Variants in C3orf33 observed in about 807,000 individuals in gnomAD.
C3orf33 encodes the protein mitochondrial inner membrane subdomain organizer 1.
C3orf33 carries 23 observed loss-of-function variants against 28.7 expected under a neutral mutation model. The ratio of observed to expected loss-of-function variants is 0.80; its 90% confidence interval spans 0.58 to 1.13. The LOEUF (loss-of-function observed/expected upper bound fraction) is 1.13. Among genes scored for constraint, C3orf33 ranks in the 50% most tolerant of loss-of-function variants. The pLI, the probability that C3orf33 is intolerant of heterozygous loss-of-function variation, is 0.00. For synonymous variants in C3orf33, 119 were observed against 120.5 expected (o/e 0.99, Z 0.08); for missense variants, 327 against 353.4 (o/e 0.93, Z 0.60).
chr3:155,782,284 T>A (rs1750950464), intron 2 of C3orf33, among the ~76,000 whole-genome samples: 1 of 148,490 alleles, frequency 6.7e-6, no homozygotes, highest in Non-Finnish European at 1.5e-5. Flanking sequence ...AACCAACATA[T>A]GCACTAGAGG....
At chr3:155,775,662 C>T in intron 3 of C3orf33, 39 bp downstream of exon 3, 1 of 1,353,812 alleles carries the variant, frequency 7.4e-7, no homozygotes, top group Non-Finnish European at 1.0e-6. Context: ...TAAAAGAAGA[C>T]CACAATAGTT....
At chr3:155,773,142 C>G (rs535317735) in intron 3 of C3orf33, among the ~76,000 whole-genome samples, 2 of 152,270 alleles carry the variant, frequency 1.3e-5, no homozygotes, top group African/African-American at 4.8e-5. Flanking sequence ...GAGAGGAACA[C>G]AGGAGCTTTT....
At chr3:155,788,054 G>A (rs944375187) in intron 2 of C3orf33, among the ~76,000 whole-genome samples, 7 of 151,926 alleles carry the variant, frequency 4.6e-5, no homozygotes, top group African/African-American at 1.2e-4. Context: ...AGCCGGGCGT[G>A]GTGGCGGGCG....
rs1751678845 is a variant in C3orf33 at position 155,802,521 on chromosome 3, T to A, written c.174+11A>T. On this transcript the variant is annotated intron_variant, in intron 2 of 4. Coordinates refer to ENST00000340171, the MANE Select transcript of C3orf33 (RefSeq NM_001308229.2). ...GGCTTGTTGTAATGTCTTTTTCATTTTTTAACTTACCAGTCGAATGCTTCT... is the reference window on the plus strand; with the variant it reads ...GGCTTGTTGTAATGTCTTTTTCATTATTTAACTTACCAGTCGAATGCTTCT... The A allele has an allele frequency of 6.2e-7, 1 of 1,600,410 alleles. No homozygotes were observed. The highest frequency in any genetic ancestry group is 1.3e-5 in the African/African-American group (1 of 74,264).
chr3:155,772,693 G>A (rs531727906), intron 3 of C3orf33, among the ~76,000 whole-genome samples: 4 of 151,370 alleles, frequency 2.6e-5, no homozygotes, highest in Non-Finnish European at 5.9e-5. Context: ...TACTGAGACA[G>A]TAGCAATAGC....
intron 2 of C3orf33, among the ~76,000 whole-genome samples, chr3:155,801,513 T>C (rs754286255): frequency 3.0e-4 from 45 of 152,112 alleles, no homozygotes; most frequent in Non-Finnish European, 5.9e-5. Context: ...AAATGTGATA[T>C]ACACTTACAA....
At chr3:155,784,804 G>A (rs899350114) in intron 2 of C3orf33, among the ~76,000 whole-genome samples, 5 of 150,946 alleles carry the variant, frequency 3.3e-5, no homozygotes, top group Admixed American at 6.6e-5. Context: ...ACACAGTAAT[G>A]CAGGAAATGA....
chr3:155,790,600 C>T (rs186467624), intron 2 of C3orf33, among the ~76,000 whole-genome samples: 2 of 152,276 alleles, frequency 1.3e-5, no homozygotes, highest in Admixed American at 1.3e-4. Flanking sequence ...CTGATGCAAC[C>T]CCTCCCCCAT....
intron 2 of C3orf33, among the ~76,000 whole-genome samples, chr3:155,780,585 G>C (rs958231614): frequency 1.3e-5 from 2 of 152,158 alleles, no homozygotes; most frequent in African/African-American, 2.4e-5. Flanking sequence ...ATAAGAACTT[G>C]ATAAATAAAC....
chr3:155,775,318 CAT>C (rs1451062770), intron 3 of C3orf33, among the ~76,000 whole-genome samples: 38 of 152,122 alleles, frequency 2.5e-4, no homozygotes, highest in African/African-American at 8.7e-4. Flanking sequence ...GGAGAAACCC[CAT>C]CTCTACTAAA....
At chr3:155,766,856 A>C (rs1750420989) in intron 4 of C3orf33, among the ~76,000 whole-genome samples, 1 of 152,044 alleles carries the variant, frequency 6.6e-6, no homozygotes, top group African/African-American at 2.4e-5. Flanking sequence ...AGGCTGAAGC[A>C]GGAGAATTGC....
At chr3:155,782,780 A>G (rs1750965467) in intron 2 of C3orf33, among the ~76,000 whole-genome samples, 1 of 152,234 alleles carries the variant, frequency 6.6e-6, no homozygotes, top group African/African-American at 2.4e-5. Context: ...AGGACACTAG[A>G]CAGTAACTTG....
intron 1 of C3orf33, among the ~76,000 whole-genome samples, chr3:155,804,445 A>G (rs1383889639): frequency 1.3e-5 from 2 of 152,212 alleles, no homozygotes; most frequent in Admixed American, 6.5e-5. Context: ...AGTAGCAGGC[A>G]TTACTCTAAG....
chr3:155,772,788 G>GTGTT (rs1240543091), intron 3 of C3orf33, among the ~76,000 whole-genome samples: 2 of 151,214 alleles, frequency 1.3e-5, no homozygotes, highest in Non-Finnish European at 3.0e-5. Flanking sequence ...GTGTGTGTGT[G>GTGTT]TGTGTGTGTG....
At chr3:155,771,079 A>C in intron 3 of C3orf33, among the ~76,000 whole-genome samples, 1 of 141,182 alleles carries the variant, frequency 7.1e-6, no homozygotes, top group African/African-American at 2.7e-5. Flanking sequence ...TTGCTCTGCC[A>C]CCCAGGCTGG....
At chr3:155,777,546 T>C (rs1484696782) in intron 2 of C3orf33, among the ~76,000 whole-genome samples, 1 of 151,856 alleles carries the variant, frequency 6.6e-6, no homozygotes, top group Non-Finnish European at 1.5e-5. Flanking sequence ...GCTCAAGTAA[T>C]CCTCCGGCCT....
chr3:155,778,368 T>C (rs1750818011), intron 2 of C3orf33, among the ~76,000 whole-genome samples: 1 of 152,158 alleles, frequency 6.6e-6, no homozygotes, highest in Admixed American at 6.6e-5. Context: ...AATGTGGGTA[T>C]GTAGGAAAAA....
At chr3:155,767,413 G>T in intron 4 of C3orf33, 96 bp downstream of exon 4, 1 of 978,676 alleles carries the variant, frequency 1.0e-6, no homozygotes, top group East Asian at 3.0e-5. Context: ...AAAAAAGTCA[G>T]TCCCATTATA....
Position 155,779,257 on chromosome 3 carries a change from A to T in C3orf33, c.175-3409T>A, listed in dbSNP as rs908117235. Reference sequence around the variant, plus strand: ...AGAAGTGAGAGACAGATTGTCCTAAAGCAGGACCTAAGGAGAATATATTGC... The same window carrying T: ...AGAAGTGAGAGACAGATTGTCCTAATGCAGGACCTAAGGAGAATATATTGC... On this transcript the variant is annotated intron_variant, in intron 2 of 4. Coordinates refer to ENST00000340171, the MANE Select transcript of C3orf33 (RefSeq NM_001308229.2). Among the ~76,000 whole-genome samples the T allele has an allele frequency of 6.6e-5, 10 of 152,346 alleles. No individual in the cohort carries two copies. In the East Asian group the frequency reaches 1.9e-3, roughly 29 times the overall value.
Sources: gnomAD v4.1 joint callset for allele counts (sites outside exome capture counted in the v4.1 genomes callset) on GRCh38, gnomAD v4.1.1 for gene constraint, MANE v1.5 for transcripts, NCBI Gene and HGNC (gene_info 2026-07-23, HGNC 2026-07-21) for gene names.